GAL3ST4: variants seen among roughly 807,000 people sequenced by gnomAD.
The protein encoded by GAL3ST4 is beta-galactose-3-O-sulfotransferase 4.
GAL3ST4 carries 30 observed loss-of-function variants against 31.6 expected under a neutral mutation model. That is an observed-to-expected ratio of 0.95 (90% confidence interval 0.71 to 1.29). GAL3ST4 has a LOEUF of 1.29. Ranked by LOEUF, GAL3ST4 falls within the 50% of genes most tolerant of loss-of-function variation. GAL3ST4 has a pLI of 0.00. For synonymous variants in GAL3ST4, 248 were observed against 256.9 expected, an observed-to-expected ratio of 0.97 and a Z score of 0.33; for missense variants, 629 against 625.2, an observed-to-expected ratio of 1.01 and a Z score of -0.06.
In GAL3ST4 at chr7:100,167,061, A is replaced by G; in HGVS notation, c.35T>C (p.Leu12Pro). ...GPLSPARTLR[L>P]WGPRSLGVAL... ...CACCCCCAGGCTCCGAGGTCCCCAG[A>G]GCCGCAGCGTCCTGGCAGGAGAGAG... Residue 12 changes from leucine to proline, a missense_variant, in exon 2 of 4, where the codon CTC becomes CCC. Transcript: ENST00000360039. The G allele has an allele frequency of 6.4e-7, 1 of 1,558,098 alleles. No homozygotes were observed. The highest frequency in any genetic ancestry group is 8.7e-7 in the Non-Finnish European group (1 of 1,150,266).
chr7:100,162,804 T>G (rs1450933810), intron 3 of GAL3ST4, among the ~76,000 whole-genome samples: 1 of 132,904 alleles, frequency 7.5e-6, no homozygotes, highest in East Asian at 2.2e-4. Context: ...CTGCATATTC[T>G]GCACATGTAT....
In GAL3ST4 at chr7:100,166,734, C is replaced by T. The variant is rs759909207; in HGVS notation, c.197G>A (p.Arg66Gln). Residue 66 changes from arginine (R) to glutamine (Q), a missense_variant, in exon 3 of 4, where the codon CGG becomes CAG. Physicochemically the swap from Arg to Gln is conservative, Grantham distance 43 (BLOSUM62 1). Coordinates refer to ENST00000360039, the MANE Select transcript of GAL3ST4 (RefSeq NM_024637.5). Reference sequence around the variant, plus strand: ...TGTCTTCAGGAACACCAGTCGCTGCCGGGGTGGGCAGGACGGAAGGGCTGG... The same window carrying T: ...TGTCTTCAGGAACACCAGTCGCTGCTGGGGTGGGCAGGACGGAAGGGCTGG... ...LRPALPSCPPRQRLVFLKTHK... is the reference protein window; with the variant it reads ...LRPALPSCPPQQRLVFLKTHK... The T allele has an allele frequency of 9.9e-6, 16 of 1,613,782 alleles. No homozygotes were observed. The highest frequency in any genetic ancestry group is 4.0e-5 in the African/African-American group (3 of 74,890).
chr7:100,166,294 A>G (rs953000650), intron 3 of GAL3ST4, among the ~76,000 whole-genome samples: 1 of 152,176 alleles, frequency 6.6e-6, no homozygotes, highest in Admixed American at 6.5e-5. Flanking sequence ...CGCCAGAGAG[A>G]GAAGGGAGGA....
At chr7:100,164,248 C>T (rs147545713) in intron 3 of GAL3ST4, among the ~76,000 whole-genome samples, 3 of 152,284 alleles carry the variant, frequency 2.0e-5, no homozygotes, top group South Asian at 2.1e-4. Context: ...CCAGTACAGA[C>T]GTTCTCCCTC....
Position 100,159,793 on chromosome 7 carries a change from G to A in GAL3ST4, c.*135C>T. ...GGAGGGAAGCACTGCTGGGAGCCCAGCGAAGAGGGGGCTTGCATCGGGACA... is the reference window on the plus strand; with the variant it reads ...GGAGGGAAGCACTGCTGGGAGCCCAACGAAGAGGGGGCTTGCATCGGGACA... On this transcript the variant is annotated 3_prime_UTR_variant, in exon 4 of 4. Coordinates refer to ENST00000360039, the MANE Select transcript of GAL3ST4 (RefSeq NM_024637.5). The A allele has an allele frequency of 1.4e-6, 1 of 729,792 alleles. No homozygotes were observed. The highest frequency in any genetic ancestry group is 1.9e-5 in the South Asian group (1 of 53,074). 45.2% of individuals were successfully genotyped at this position (729,792 alleles called of 1,614,324 possible).
chr7:100,167,017 T>C lies in GAL3ST4; in HGVS notation c.79A>G (p.Thr27Ala), dbSNP rs982768375. ...SLGVALGVFM[T>A]IGFALQLLGG... ...AAGAGCTGGAGTGCAAAGCCAATGG[T>C]CATGAAGACTCCCAGAGCCACCCCC... Residue 27 changes from threonine to alanine, a missense_variant, in exon 2 of 4, where the codon ACC becomes GCC. Physicochemically the swap from Thr to Ala is moderately conservative, Grantham distance 58. Coordinates refer to ENST00000360039, the MANE Select transcript of GAL3ST4 (RefSeq NM_024637.5). The C allele has an allele frequency of 2.0e-5, 31 of 1,575,686 alleles. No homozygotes were observed. Among genetic ancestry groups the C allele is most frequent in the Non-Finnish European group, 2.5e-5 (29 of 1,160,876 alleles).
chr7:100,160,777 G>A lies in GAL3ST4; in HGVS notation c.612C>T (p.His204=), dbSNP rs368643591. 1.2e-5 allele frequency: 20 copies of A among 1,614,122 alleles called. No individual in the cohort carries two copies. The highest frequency in any genetic ancestry group is 1.6e-4 in the Middle Eastern group (1 of 6,084). ...CAAACCATAGTAAGTTGCGAGCGTA[G>A]TGGTCCCCACGGGCCCCAGGCCTGT... ...GFYRPGARGD[H]YARNLLWFDF... Residue 204 remains histidine (H), a synonymous_variant, in exon 4 of 4, where the codon CAC becomes CAT. Transcript: ENST00000360039.
At position 100,166,822 on chromosome 7, in the gene GAL3ST4, G is replaced by A. The variant is rs1470162202; in HGVS notation, c.126-17C>T. 1 of 1,584,856 alleles carries A rather than the reference G, an allele frequency of 6.3e-7. No individual in the cohort carries two copies. Among genetic ancestry groups the A allele is most frequent in the Non-Finnish European group, 8.6e-7 (1 of 1,165,454 alleles). The stretch of plus-strand genomic sequence containing the variant: ...CCAGGTAGCCTGGGAAGAGATGGAG[G>A]GGGAGTGTCCTGTTCCTCAGCAGCA... On this transcript the variant is annotated splice_polypyrimidine_tract_variant and intron_variant, in intron 2 of 3. Transcript: ENST00000360039.
intron 3 of GAL3ST4, among the ~76,000 whole-genome samples, chr7:100,162,896 A>C (rs2116971346): frequency 6.6e-6 from 1 of 152,140 alleles, no homozygotes; most frequent in East Asian, 1.9e-4. Flanking sequence ...AAGAAAAAGA[A>C]AAAAAAAGAA....
At position 100,160,931 on chromosome 7, in the gene GAL3ST4, A is replaced by C. The variant is rs150220137; in HGVS notation, c.458T>G (p.Phe153Cys). 6.9e-6 allele frequency: 11 copies of C among 1,602,578 alleles called. No homozygotes were observed. In the African/African-American group the frequency reaches 9.4e-5, roughly 14 times the overall value. Residue 153 changes from phenylalanine to cysteine, a missense_variant, in exon 4 of 4, where the codon TTC becomes TGC. Phe to Cys is a radical substitution (Grantham distance 205). Transcript: ENST00000360039. ...EVLQVMPSDS[F>C]FFSIVRDPAA... is the part of the protein sequence containing the mutation. The stretch of plus-strand genomic sequence containing the variant: ...TGGGTCTCGGACAATGGAAAAAAAG[A>C]AGCTGTCAGAAGGCATGACCTGAAG...
In GAL3ST4 at chr7:100,159,897, T is replaced by C. The variant is rs764201367; in HGVS notation, c.*31A>G. The C allele has an allele frequency of 3.6e-5, 56 of 1,542,652 alleles. No individual in the cohort carries two copies. Among genetic ancestry groups the C allele is most frequent in the Non-Finnish European group, 4.7e-5 (54 of 1,137,288 alleles). The stretch of plus-strand genomic sequence containing the variant: ...ATCACATGTGCCCTTCAAACATGGC[T>C]GCTCTTCCACCTAAATCTGTAGTCT... On this transcript the variant is annotated 3_prime_UTR_variant, in exon 4 of 4. Coordinates refer to ENST00000360039, the MANE Select transcript of GAL3ST4 (RefSeq NM_024637.5).
At position 100,168,100 on chromosome 7, in the gene GAL3ST4, A is replaced by G. The variant is rs1227079999; in HGVS notation, c.-189+446T>C. 1 of 152,290 alleles carries G rather than the reference A, an allele frequency of 6.6e-6. No individual in the cohort carries two copies. The highest frequency in any genetic ancestry group is 1.5e-5 in the Non-Finnish European group (1 of 68,140). 9.4% of individuals were successfully genotyped at this position (152,290 alleles called of 1,614,324 possible). A position where few individuals can be genotyped will look rare whatever the true frequency, so the allele number is the denominator to read the frequency against. On this transcript the variant is annotated intron_variant, in intron 1 of 3. Transcript: ENST00000360039. This position sits in a 1 kb window ranked among gnomAD's most constrained non-coding sequence, Gnocchi z 4.1. ...CACAAAGATAAGGAGAAAGGCGCAA[A>G]CACTAACTGCAGAGTTCCTTCTGAA...
chr7:100,166,325 T>C (rs1443363138), intron 3 of GAL3ST4, among the ~76,000 whole-genome samples, 177 bp downstream of exon 3: 2 of 152,048 alleles, frequency 1.3e-5, no homozygotes, highest in Non-Finnish European at 2.9e-5. Flanking sequence ...TCCCAGAAAC[T>C]ACTGGGGAAG....
rs367598039 is a variant in GAL3ST4, at chr7:100,166,496, C to T, written c.429+6G>A. On this transcript the variant is annotated splice_donor_region_variant and intron_variant, in intron 3 of 3. Coordinates refer to ENST00000360039, the MANE Select transcript of GAL3ST4 (RefSeq NM_024637.5). ...TGGTCCCTCCCACCACTGCGACACT[C>T]CTTACCTCTTTCAGGTTGAACCTCA... 13 of 1,608,782 alleles carry T rather than the reference C, an allele frequency of 8.1e-6. No homozygotes were observed. The highest frequency in any genetic ancestry group is 1.1e-5 in the South Asian group (1 of 90,356).
chr7:100,160,981 A>C (rs1798995530), intron 3 of GAL3ST4, 22 bp from the exon 4 acceptor site: 1 of 1,552,230 alleles, frequency 6.4e-7, no homozygotes, highest in Admixed American at 2.0e-5. Context: ...GGAAGACAGA[A>C]GAGAGAGAAC....
chr7:100,163,449 C>CAT lies in GAL3ST4; in HGVS notation c.430-2491_430-2490insAT, dbSNP rs547842938. Among the ~76,000 whole-genome samples, 55 of 151,166 alleles carry CAT rather than the reference C, an allele frequency of 3.6e-4. 2 individuals carry two copies. In the East Asian group the frequency reaches 0.01, roughly 29 times the overall value. ...CTCAATCGGCTCTGCAAGTATGGCA[C>CAT]ACCTGAATAGCAGCCTGTGAACTCT... is the stretch of plus-strand genomic sequence containing the variant. On this transcript the variant is annotated intron_variant, in intron 3 of 3. Coordinates refer to ENST00000360039, the MANE Select transcript of GAL3ST4 (RefSeq NM_024637.5).
chr7:100,159,910 A>T lies in GAL3ST4; in HGVS notation c.*18T>A. ...TTCAAACATGGCTGCTCTTCCACCT[A>T]AATCTGTAGTCTGATGTTTATGGGG... On this transcript the variant is annotated 3_prime_UTR_variant, in exon 4 of 4. Coordinates refer to ENST00000360039, the MANE Select transcript of GAL3ST4 (RefSeq NM_024637.5). The T allele has an allele frequency of 6.4e-7, 1 of 1,569,202 alleles. No homozygotes were observed. The highest frequency in any genetic ancestry group is 8.7e-7 in the Non-Finnish European group (1 of 1,155,860).
At chr7:100,164,809 A>G (rs947821276) in intron 3 of GAL3ST4, among the ~76,000 whole-genome samples, 1 of 152,072 alleles carries the variant, frequency 6.6e-6, no homozygotes, top group African/African-American at 2.4e-5. Flanking sequence ...TTTGGAGTGC[A>G]TGGACCTGGG....
chr7:100,165,321 C>T (rs900657074), intron 3 of GAL3ST4, among the ~76,000 whole-genome samples: 1 of 152,154 alleles, frequency 6.6e-6, no homozygotes, highest in African/African-American at 2.4e-5. Context: ...CAGGCGTGTG[C>T]CACCACGCCT....
Sources: gnomAD v4.1 joint callset for allele counts (sites outside exome capture counted in the v4.1 genomes callset) on GRCh38, gnomAD v4.1.1 for gene constraint, Gnocchi (gnomAD v3.1) non-coding constraint, MANE v1.5 for transcripts, NCBI Gene and HGNC (gene_info 2026-07-23, HGNC 2026-07-21) for gene names.